The following ADAM28 variants were observed in gnomAD, a reference collection of about 807,000 sequenced individuals.
The protein encoded by ADAM28 is disintegrin and metalloproteinase domain-containing protein 28.
In ADAM28, 105 loss-of-function variants were observed where a neutral mutation model predicts 101.2. The observed-to-expected ratio is 1.04, with a 90% CI of 0.89 to 1.22. The LOEUF is 1.22. Ranked by LOEUF, ADAM28 falls within the 50% of genes most tolerant of loss-of-function variation. ADAM28 has a pLI of 0.00. For missense variants in ADAM28, 1,028 were observed against 945.4 expected, an observed-to-expected ratio of 1.09 and a Z score of -1.15; for synonymous variants, 322 against 310.6, an observed-to-expected ratio of 1.04 and a Z score of -0.39.
At chr8:24,296,560 A>G (rs1451472760) in intron 1 of ADAM28, among the ~76,000 whole-genome samples, 2 of 152,260 alleles carry the variant, frequency 1.3e-5, no homozygotes, top group Non-Finnish European at 2.9e-5. Flanking sequence ...CCCCAAACAC[A>G]TGAACAAATA....
At chr8:24,312,832 G>T (rs1237738980) in intron 5 of ADAM28, among the ~76,000 whole-genome samples, 1 of 152,066 alleles carries the variant, frequency 6.6e-6, no homozygotes, top group Non-Finnish European at 1.5e-5. Flanking sequence ...CTTTAGCAGA[G>T]AAAATTGAGA....
chr8:24,298,809 TAC>T (rs1808317498), intron 1 of ADAM28, among the ~76,000 whole-genome samples: 1 of 152,144 alleles, frequency 6.6e-6, no homozygotes, highest in Non-Finnish European at 1.5e-5. Flanking sequence ...ATCGACTATA[TAC>T]AGAGCAGAGA....
chr8:24,313,329 C>A (rs1810719092), intron 5 of ADAM28, 59 bp from the exon 6 acceptor site: 1 of 1,444,522 alleles, frequency 6.9e-7, no homozygotes, highest in Admixed American at 2.4e-5. Context: ...TCTTATAAAT[C>A]TGTATGAACC....
intron 6 of ADAM28, among the ~76,000 whole-genome samples, chr8:24,319,120 C>G (rs1464194979): frequency 6.6e-6 from 1 of 151,910 alleles, no homozygotes; most frequent in Non-Finnish European, 1.5e-5. Flanking sequence ...CACTTTTTTT[C>G]TATGCTCTAA....
intron 16 of ADAM28, 116 bp from the exon 17 acceptor site, chr8:24,342,985 T>A (rs1328379870): frequency 8.0e-6 from 12 of 1,508,542 alleles, no homozygotes; most frequent in African/African-American, 5.6e-5. Context: ...TTCTTCTACA[T>A]CAGCCTCCTG....
chr8:24,321,632 C>G (rs1211566715), intron 8 of ADAM28, among the ~76,000 whole-genome samples: 1 of 151,964 alleles, frequency 6.6e-6, no homozygotes, highest in African/African-American at 2.4e-5. Context: ...TAATTTTAAA[C>G]ATACCAAGCA....
At chr8:24,301,318 C>T (rs949057700) in intron 2 of ADAM28, among the ~76,000 whole-genome samples, 2 of 152,168 alleles carry the variant, frequency 1.3e-5, no homozygotes, top group African/African-American at 4.8e-5. Flanking sequence ...TCTTCAAATG[C>T]TCTCTAAGAC....
intron 15 of ADAM28, chr8:24,340,760 C>A (rs1386064670): frequency 6.6e-6 from 1 of 152,174 alleles, no homozygotes; most frequent in Admixed American, 6.5e-5. Flanking sequence ...GAATATATGC[C>A]TTTCTCCACT....
intron 2 of ADAM28, among the ~76,000 whole-genome samples, chr8:24,305,406 T>C (rs576875535): frequency 6.0e-5 from 9 of 150,996 alleles, no homozygotes; most frequent in Non-Finnish European, 1.2e-4. Context: ...AAGTGTAACC[T>C]TCACTTCTGG....
intron 15 of ADAM28, among the ~76,000 whole-genome samples, chr8:24,340,375 T>C (rs1814615457): frequency 6.6e-6 from 1 of 152,178 alleles, no homozygotes; most frequent in Admixed American, 6.5e-5. Flanking sequence ...TAAAGAACAA[T>C]CATTTTCGGT....
intron 10 of ADAM28, among the ~76,000 whole-genome samples, chr8:24,327,393 C>T (rs1361664343): frequency 1.3e-5 from 2 of 151,970 alleles, no homozygotes; most frequent in African/African-American, 4.8e-5. Flanking sequence ...TAAGAAAGGA[C>T]ACTAACAAAT....
Position 24,343,547 on chromosome 8 carries a change from G to T in ADAM28, c.1953G>T (p.Trp651Cys), listed in dbSNP as rs938364573. 1.9e-6 allele frequency: 3 copies of T among 1,613,798 alleles called. No individual in the cohort carries two copies. Among genetic ancestry groups the T allele is most frequent in the Admixed American group, 3.3e-5 (2 of 59,980 alleles). ...TCCAGTGTCAATGTGAGGAAGGATG[G>T]ATCCCTCCCGACTGCGATGACTCCT... ...HELQCQCEEG[W>C]IPPDCDDSSV... The change falls in exon 18 of 23, where the codon TGG (tryptophan) becomes TGT (cysteine). Residue 651 changes from tryptophan (W) to cysteine (C), a missense_variant. Physicochemically the swap from Trp to Cys is radical, Grantham distance 215 (BLOSUM62 -2). Coordinates refer to ENST00000265769, the MANE Select transcript of ADAM28 (RefSeq NM_014265.6).
Position 24,352,001 on chromosome 8 carries a change from G to A in ADAM28, c.2193G>A (p.Lys731=). The change falls in exon 21 of 23, where the codon AAG becomes AAA. Residue 731 remains lysine (K), a synonymous_variant. Transcript: ENST00000265769. ...AVQPQEMSQM[K]PHVYDLPVEG... is the part of the protein sequence containing the mutation. ...CTTCTTTTCAGATGAGTCAGATGAA[G>A]CCCCATGTGTATGATCTGCCAGTAG... 6.2e-7 allele frequency: 1 copy of A among 1,613,644 alleles called. No homozygotes were observed. The highest frequency in any genetic ancestry group is 8.5e-7 in the Non-Finnish European group (1 of 1,179,694).
intron 2 of ADAM28, among the ~76,000 whole-genome samples, chr8:24,304,894 C>CA (rs1230237582): frequency 1.4e-5 from 2 of 139,610 alleles, no homozygotes; most frequent in African/African-American, 5.4e-5. Context: ...CCAACCTGGG[C>CA]AACAAGAGTG....
At chr8:24,309,866 A>G (rs1360014986) in intron 2 of ADAM28, 28 bp from the exon 3 acceptor site, 1 of 1,423,012 alleles carries the variant, frequency 7.0e-7, no homozygotes, top group East Asian at 2.3e-5. Context: ...GTTTTTAATT[A>G]CAAGTAAATG....
chr8:24,334,975 A>C (rs1473938971), intron 13 of ADAM28, among the ~76,000 whole-genome samples: 1 of 152,192 alleles, frequency 6.6e-6, no homozygotes, highest in Admixed American at 6.5e-5. Context: ...ATTAAGGATT[A>C]GGAAACTCGA....
At chr8:24,337,767 T>C (rs1814271833) in intron 14 of ADAM28, among the ~76,000 whole-genome samples, 1 of 152,222 alleles carries the variant, frequency 6.6e-6, no homozygotes, top group South Asian at 2.1e-4. Context: ...ACTTTGTAAG[T>C]AATTTAAAAA....
chr8:24,340,717 G>T (rs80183598), intron 15 of ADAM28, among the ~76,000 whole-genome samples: 9,432 of 152,088 alleles, frequency 0.062, 459 homozygotes, highest in African/African-American at 0.13. Flanking sequence ...TTACCTAAGT[G>T]ATTCAAGAAA....
chr8:24,299,471 T>A (rs201408480), intron 1 of ADAM28, among the ~76,000 whole-genome samples: 1 of 148,932 alleles, frequency 6.7e-6, no homozygotes, highest in East Asian at 2.0e-4. Context: ...AGTTTTTTTT[T>A]ATTAGTATAG....
Sources: gnomAD v4.1 joint callset for allele counts (sites outside exome capture counted in the v4.1 genomes callset) on GRCh38, gnomAD v4.1.1 for gene constraint, MANE v1.5 for transcripts, NCBI Gene and HGNC (gene_info 2026-07-23, HGNC 2026-07-21) for gene names.